The following OPHN1 variants were observed in gnomAD, a reference collection of about 807,000 sequenced individuals.
OPHN1 encodes oligophrenin-1.
OPHN1 carries 11 observed loss-of-function variants against 60.7 expected under a neutral mutation model. The ratio of observed to expected loss-of-function variants is 0.18; its 90% confidence interval spans 0.11 to 0.30. The LOEUF (loss-of-function observed/expected upper bound fraction) is 0.30, where lower values mean the gene tolerates loss of function less well. OPHN1 is among the 10% of genes least tolerant of loss of function. The pLI is 1.00. For missense variants in OPHN1, 449 were observed against 611.0 expected (o/e 0.73, Z 2.80); for synonymous variants, 226 against 222.6 (o/e 1.02, Z -0.14).
intron 5 of OPHN1, among the ~76,000 whole-genome samples, chrX:68,273,617 T>A (rs1263955316): frequency 8.9e-6 from 1 of 112,244 alleles, no homozygotes; most frequent in Non-Finnish European, 1.9e-5. Flanking sequence ...ACTTGAAATG[T>A]GGCTAGAAAG....
At chrX:68,365,607 G>T (rs1381878307) in intron 2 of OPHN1, among the ~76,000 whole-genome samples, 1 of 110,865 alleles carries the variant, frequency 9.0e-6, no homozygotes, top group Non-Finnish European at 1.9e-5. Context: ...TAACAAATCC[G>T]CCACAGAGAA....
intron 4 of OPHN1, among the ~76,000 whole-genome samples, chrX:68,276,750 T>C (rs955584604): frequency 1.1e-4 from 12 of 111,097 alleles, no homozygotes; most frequent in Non-Finnish European, 2.3e-4. Flanking sequence ...TCTGTGACAT[T>C]TGAAGCTAGG....
intron 19 of OPHN1, among the ~76,000 whole-genome samples, chrX:68,075,528 C>T (rs1199283335): frequency 9.1e-6 from 1 of 110,392 alleles, no homozygotes; most frequent in Non-Finnish European, 1.9e-5. Flanking sequence ...CCTAGAATAG[C>T]CAAAACAATC....
rs1038948523 is a variant in OPHN1 at position 68,063,742 on chromosome X, G to T, written c.2158+112C>A. 55 of 598,064 alleles carry T rather than the reference G, an allele frequency of 9.2e-5. No individual in the cohort carries two copies. The African/African-American group carries it at 9.7e-4, about 10-fold the overall frequency. 49.3% of individuals were successfully genotyped at this position (598,064 alleles called of 1,213,427 possible). Reference sequence around the variant, plus strand: ...CTTGCCCACTGTTCCAATATTAGTGGTAGTAAACTGGAACATATTTCCACT... The same window carrying T: ...CTTGCCCACTGTTCCAATATTAGTGTTAGTAAACTGGAACATATTTCCACT... On this transcript the variant is annotated intron_variant, in intron 21 of 24. Transcript: ENST00000355520.
intron 2 of OPHN1, among the ~76,000 whole-genome samples, chrX:68,315,592 T>C (rs1336661991): frequency 9.0e-6 from 1 of 111,668 alleles, no homozygotes; most frequent in Non-Finnish European, 1.9e-5. Context: ...AAATAAAATG[T>C]AAACTTAAAT....
At chrX:68,226,752 AC>A (rs1345440059) in intron 6 of OPHN1, among the ~76,000 whole-genome samples, 1 of 111,670 alleles carries the variant, frequency 9.0e-6, no homozygotes, top group Admixed American at 9.6e-5. Context: ...GAAAGGAACA[AC>A]CAGTACCAGC....
chrX:68,093,427 G>A (rs55944020), intron 19 of OPHN1, among the ~76,000 whole-genome samples: 14,243 of 110,640 alleles, frequency 0.13, 957 homozygotes, highest in Middle Eastern at 0.24. Context: ...TCATTTCTTT[G>A]GGATAAATGC....
chrX:68,230,994 CA>C (rs1448454296), intron 6 of OPHN1, among the ~76,000 whole-genome samples: 1 of 110,457 alleles, frequency 9.1e-6, no homozygotes, highest in Non-Finnish European at 1.9e-5. Context: ...TGAAAAAAAT[CA>C]ATAAAATTGT....
chrX:68,363,271 T>A (rs905762601), intron 2 of OPHN1, among the ~76,000 whole-genome samples: 12 of 110,716 alleles, frequency 1.1e-4, no homozygotes, highest in Non-Finnish European at 2.1e-4. Flanking sequence ...TTAAAAAAAA[T>A]TTAAATAATA....
At chrX:68,396,043 C>A (rs1410594174) in intron 2 of OPHN1, among the ~76,000 whole-genome samples, 1 of 110,286 alleles carries the variant, frequency 9.1e-6, no homozygotes, top group Non-Finnish European at 1.9e-5. Context: ...GGATTCAGAG[C>A]AATAGATTAC....
chrX:68,141,488 T>C (rs1056802843), intron 15 of OPHN1, among the ~76,000 whole-genome samples: 2 of 111,772 alleles, frequency 1.8e-5, no homozygotes, highest in Admixed American at 1.9e-4. Context: ...TATGTTCACT[T>C]AGGCAGGCCC....
At chrX:68,197,397 T>C (rs185354133) in intron 11 of OPHN1, 133 bp from the exon 12 acceptor site, 3 of 492,377 alleles carry the variant, frequency 6.1e-6, no homozygotes. Flanking sequence ...TACTAATTTT[T>C]CAAAATCTCT....
chrX:68,351,383 C>A (rs1407936928), intron 2 of OPHN1, among the ~76,000 whole-genome samples: 1 of 111,541 alleles, frequency 9.0e-6, no homozygotes, highest in Non-Finnish European at 1.9e-5. Flanking sequence ...ACAAGAGTCA[C>A]AAAATTTCGA....
chrX:68,047,269 T>C (rs757442959), intron 24 of OPHN1, 106 bp from the exon 25 acceptor site: 3 of 111,779 alleles, frequency 2.7e-5, no homozygotes, highest in East Asian at 2.8e-4. Flanking sequence ...CTATAATTGG[T>C]AGCTCATCTT....
intron 23 of OPHN1, among the ~76,000 whole-genome samples, chrX:68,050,828 T>A (rs985490464): frequency 2.7e-5 from 3 of 112,735 alleles, no homozygotes; most frequent in Non-Finnish European, 5.6e-5. Context: ...TTAAGAATAT[T>A]TGAGACTCTC....
At chrX:68,190,026 G>A (rs952201152) in intron 15 of OPHN1, among the ~76,000 whole-genome samples, 15 of 110,661 alleles carry the variant, frequency 1.4e-4, no homozygotes, top group African/African-American at 4.9e-4. Context: ...AAAGGCAATG[G>A]ATGTTCACCC....
At position 68,407,200 on chromosome X, in the gene OPHN1, G is replaced by A. The variant is rs145225895; in HGVS notation, c.154+25667C>T. ...GCTTGGGCAACAAGAACAAAACTTC[G>A]TCTCAAAATAAATAAATAAATAAAT... is the stretch of plus-strand genomic sequence containing the variant. On this transcript the variant is annotated intron_variant, in intron 2 of 24. Transcript: ENST00000355520. Among the ~76,000 whole-genome samples the A allele has an allele frequency of 1.1e-3, 123 of 111,974 alleles. 1 individual carries two copies. In the East Asian group the frequency reaches 0.029, roughly 26 times the overall value.
At chrX:68,414,912 T>G (rs1310426879) in intron 2 of OPHN1, among the ~76,000 whole-genome samples, 1 of 112,209 alleles carries the variant, frequency 8.9e-6, no homozygotes, top group Non-Finnish European at 1.9e-5. Flanking sequence ...CCAAATGTTC[T>G]TTAGGTGCAT....
At chrX:68,204,399 C>A (rs771594887) in intron 10 of OPHN1, among the ~76,000 whole-genome samples, 1 of 111,666 alleles carries the variant, frequency 9.0e-6, no homozygotes, top group South Asian at 3.8e-4. Flanking sequence ...AAATTGGGGG[C>A]ACTGACTTCA....
Sources: gnomAD v4.1 joint callset for allele counts (sites outside exome capture counted in the v4.1 genomes callset) on GRCh38, gnomAD v4.1.1 for gene constraint, MANE v1.5 for transcripts, NCBI Gene and HGNC (gene_info 2026-07-23, HGNC 2026-07-21) for gene names.